The following PAX3 variants were observed in gnomAD, a reference collection of about 807,000 sequenced individuals.
PAX3 encodes paired box 3.
PAX3 carries 14 observed loss-of-function variants against 51.6 expected under a neutral mutation model. The ratio of observed to expected loss-of-function variants is 0.27; its 90% CI spans 0.18 to 0.42. The LOEUF (loss-of-function observed/expected upper bound fraction) is 0.42, where lower values mean the gene tolerates loss of function less well. PAX3 is among the 10% of genes least tolerant of loss of function. The pLI is 1.00. For synonymous variants in PAX3, 280 were observed against 253.4 expected (o/e 1.11, Z -1.00); for missense variants, 540 against 642.8 (o/e 0.84, Z 1.73).
At chr2:222,204,425 A>G (rs1463823107) in intron 7 of PAX3, among the ~76,000 whole-genome samples, 1 of 152,170 alleles carries the variant, frequency 6.6e-6, no homozygotes, top group Admixed American at 6.5e-5. Context: ...ATACTTGGAA[A>G]ATTCATGAAC....
At chr2:222,256,558 C>A (rs945065972) in intron 4 of PAX3, among the ~76,000 whole-genome samples, 3 of 152,106 alleles carry the variant, frequency 2.0e-5, no homozygotes, top group African/African-American at 4.8e-5. Context: ...GACTCGGAAA[C>A]TGCTCTTTGA....
At chr2:222,236,055 C>A (rs1559275415) in intron 4 of PAX3, among the ~76,000 whole-genome samples, 1 of 152,188 alleles carries the variant, frequency 6.6e-6, no homozygotes, top group Non-Finnish European at 1.5e-5. Context: ...ATAATTCTAA[C>A]TTTTCCCCAT....
intron 4 of PAX3, chr2:222,242,610 T>C (rs1159400851): frequency 6.6e-6 from 1 of 152,194 alleles, no homozygotes; most frequent in Non-Finnish European, 1.5e-5. Flanking sequence ...TGATGAGGGT[T>C]GAAGGAAAAA....
chr2:222,270,793 A>G (rs540980705), intron 4 of PAX3, among the ~76,000 whole-genome samples: 18 of 152,368 alleles, frequency 1.2e-4, no homozygotes, highest in African/African-American at 4.1e-4. Flanking sequence ...AGTTTCTCCC[A>G]TACTAGTCTT....
chr2:222,246,002 G>A, intron 4 of PAX3, among the ~76,000 whole-genome samples: 1 of 151,950 alleles, frequency 6.6e-6, no homozygotes, highest in East Asian at 1.9e-4. Context: ...GAGAGAGAGA[G>A]AGAAGGATCA....
At chr2:222,292,578 G>A (rs116214510) in intron 4 of PAX3, among the ~76,000 whole-genome samples, 3,101 of 152,334 alleles carry the variant, frequency 0.02, 97 homozygotes, top group African/African-American at 0.069. Context: ...TAGCAAAGCC[G>A]TGAGTCCCCA....
chr2:222,274,629 C>G lies in PAX3; in HGVS notation c.586+19538G>C, dbSNP rs541054624. 2.6e-5 allele frequency among the ~76,000 whole-genome samples: 4 copies of G among 151,486 alleles called. No individual in the cohort carries two copies. The South Asian group carries it at 8.3e-4, about 32-fold the overall frequency. ...TTTTAACTTGAAGCATATGTATTTT[C>G]GCATTCCCTAAAATGTTTTAATGTT... is the stretch of plus-strand genomic sequence containing the variant. On this transcript the variant is annotated intron_variant, in intron 4 of 8. Transcript: ENST00000392070.
At chr2:222,290,332 C>A (rs1464778606) in intron 4 of PAX3, among the ~76,000 whole-genome samples, 1 of 152,212 alleles carries the variant, frequency 6.6e-6, no homozygotes, top group Non-Finnish European at 1.5e-5. Flanking sequence ...GCAAAGCTTT[C>A]GTCACTTTTA....
rs45507096 is a variant in PAX3 at position 222,248,744 on chromosome 2, A to G, written c.587-16461T>C. Among the ~76,000 whole-genome samples the G allele has an allele frequency of 8.3e-3, 1,263 of 152,296 alleles. 5 individuals carry two copies. Among genetic ancestry groups the G allele is most frequent in the Middle Eastern group, 0.034 (10 of 294 alleles). On this transcript the variant is annotated intron_variant, in intron 4 of 8. Transcript: ENST00000392070. ...CCTTACTAAAAGCAGGTTTTGAGGG[A>G]GCTTGGTTCTTTGCTTGCCTGTTGA...
chr2:222,258,439 T>A (rs1202178697), intron 4 of PAX3, among the ~76,000 whole-genome samples: 1 of 151,912 alleles, frequency 6.6e-6, no homozygotes, highest in African/African-American at 2.4e-5. Flanking sequence ...TGAAAAAAAA[T>A]CTGAATACAT....
intron 7 of PAX3, among the ~76,000 whole-genome samples, chr2:222,212,266 A>G (rs1228229140): frequency 2.0e-5 from 3 of 152,162 alleles, no homozygotes; most frequent in Non-Finnish European, 4.4e-5. Context: ...GCCCAGAATG[A>G]GACATCAGTA....
chr2:222,270,063 G>A (rs1397368468), intron 4 of PAX3, among the ~76,000 whole-genome samples: 1 of 152,194 alleles, frequency 6.6e-6, no homozygotes, highest in Non-Finnish European at 1.5e-5. Flanking sequence ...TTGCAACACT[G>A]TAGCTGAGGC....
At chr2:222,220,567 T>C (rs1230325000) in intron 6 of PAX3, among the ~76,000 whole-genome samples, 1 of 152,188 alleles carries the variant, frequency 6.6e-6, no homozygotes, top group Non-Finnish European at 1.5e-5. Flanking sequence ...GTAACATATA[T>C]ACTCTCACGG....
intron 4 of PAX3, among the ~76,000 whole-genome samples, chr2:222,289,430 C>T (rs1269879239): frequency 1.3e-5 from 2 of 152,174 alleles, no homozygotes; most frequent in Non-Finnish European, 2.9e-5. Flanking sequence ...TCGATTTCTG[C>T]ATATTCCACT....
chr2:222,219,269 G>A (rs2106069910), intron 7 of PAX3, among the ~76,000 whole-genome samples: 1 of 152,142 alleles, frequency 6.6e-6, no homozygotes, highest in South Asian at 2.1e-4. Context: ...AGATAAAGCT[G>A]TTCAAACTCT....
intron 4 of PAX3, among the ~76,000 whole-genome samples, chr2:222,246,460 A>G (rs1182992406): frequency 6.6e-6 from 1 of 152,224 alleles, no homozygotes; most frequent in East Asian, 1.9e-4. Context: ...TCATACTACA[A>G]AAGTACATTA....
chr2:222,220,449 C>A, intron 6 of PAX3, 95 bp from the exon 7 acceptor site: 3 of 1,148,326 alleles, frequency 2.6e-6, no homozygotes, highest in South Asian at 1.3e-5. Context: ...CCATCAGGAG[C>A]ATCTATTGAT....
At chr2:222,221,127 G>GTGTC in intron 6 of PAX3, 95 bp downstream of exon 6, 1 of 1,126,674 alleles carries the variant, frequency 8.9e-7, no homozygotes. Context: ...TAACAACATG[G>GTGTC]TGTCAGTACT....
chr2:222,297,106 G>T lies in PAX3; in HGVS notation c.193C>A (p.His65Asn), dbSNP rs1190403023. The T allele has an allele frequency of 1.9e-6, 3 of 1,613,900 alleles. No individual in the cohort carries two copies. In the Admixed American group the frequency reaches 5.0e-5, roughly 27 times the overall value. Residue 65 changes from histidine to asparagine, a missense_variant, in exon 2 of 9, where the codon CAC (histidine) becomes AAC (asparagine). His to Asn is a moderately conservative substitution (Grantham distance 68). Around this residue, in one of 3 missense-constraint regions of PAX3, gnomAD observed 50 missense variants for 109.3 expected, o/e 0.46. Transcript: ENST00000392070. Reference protein sequence around the residue: ...IRHKIVEMAHHGIRPCVISRQ... With the variant: ...IRHKIVEMAHNGIRPCVISRQ... ...GAGATGACGCAGGGCCGGATGCCGT[G>T]GTGGGCCATCTCCACGATCTTGTGG...
Sources: gnomAD v4.1 joint callset for allele counts (sites outside exome capture counted in the v4.1 genomes callset) on GRCh38, gnomAD v4.1.1 for gene constraint, gnomAD v4.1.1 regional missense constraint, MANE v1.5 for transcripts, NCBI Gene and HGNC (gene_info 2026-07-23, HGNC 2026-07-21) for gene names.